Variants in NOC2L observed in about 807,000 individuals in gnomAD.
The protein encoded by NOC2L is NOC2 like nucleolar associated transcriptional repressor.
NOC2L carries 101 observed loss-of-function variants against 94.2 expected under a neutral mutation model. That is an observed-to-expected ratio of 1.07 (90% CI 0.91 to 1.26). The LOEUF (loss-of-function observed/expected upper bound fraction) is 1.26. Among genes scored for constraint, NOC2L ranks in the 50% most tolerant of loss-of-function variants. The probability of loss-of-function intolerance (pLI) is 0.00; values close to 1 mark genes in which losing one functional copy is unlikely to be tolerated. For synonymous variants in NOC2L, 531 were observed against 413.4 expected, an observed-to-expected ratio of 1.28 and a Z score of -3.45; for missense variants, 1,076 against 980.1, an observed-to-expected ratio of 1.10 and a Z score of -1.31.
chr1:945,526 G>T lies in NOC2L; in HGVS notation c.2045C>A (p.Ser682Ter). 6.2e-7 allele frequency: 1 copy of T among 1,613,778 alleles called. No individual in the cohort carries two copies. Among genetic ancestry groups the T allele is most frequent in the Non-Finnish European group, 8.5e-7 (1 of 1,179,816 alleles). Residue 682 changes from serine to a stop codon, truncating the protein, a stop_gained, in exon 17 of 19, where the codon TCG (serine) becomes TAG (stop). Coordinates refer to ENST00000327044, the MANE Select transcript of NOC2L (RefSeq NM_015658.4). LOFTEE classifies it high-confidence loss of function. ...SSEEDDTEGF[S>*]ERGILRPLST... The stretch of plus-strand genomic sequence containing the variant: ...CACCACGCAGGCCCCACCTCTCTCC[G>T]AGAATCCCTCGGTGTCGTCCTCTTC...
intron 2 of NOC2L, 111 bp downstream of exon 2, chr1:958,806 GGACTGGGGGGCA>G: frequency 3.1e-6 from 3 of 953,224 alleles, no homozygotes; most frequent in Non-Finnish European, 5.0e-6. Flanking sequence ...TAAGCTGAAA[GGACTGGGGGGCA>G]GAGGTCGGCG....
chr1:953,641 G>A, intron 8 of NOC2L, 141 bp downstream of exon 8: 1 of 665,286 alleles, frequency 1.5e-6, no homozygotes, highest in African/African-American at 1.8e-5. Context: ...GGGGCCAGGT[G>A]CTTCTGTGGC....
chr1:951,074 G>A, intron 12 of NOC2L, 53 bp downstream of exon 12: 6 of 1,368,998 alleles, frequency 4.4e-6, no homozygotes, highest in Non-Finnish European at 6.1e-6. Flanking sequence ...AGCAGCAGAT[G>A]CTCCCTACAG....
chr1:952,323 CG>C (rs1320670853), intron 10 of NOC2L, 88 bp downstream of exon 10: 17 of 1,508,500 alleles, frequency 1.1e-5, no homozygotes, highest in Non-Finnish European at 1.2e-5. Context: ...ACAGGGGCTT[CG>C]GGGAGGCCCC....
chr1:951,240 T>G lies in NOC2L; in HGVS notation c.1332-2A>C, dbSNP rs201016776. On this transcript the variant is annotated splice_acceptor_variant, in intron 11 of 18. Transcript: ENST00000327044. LOFTEE classifies it high-confidence loss of function. ...TAGAAGCGGGCAGTGGGGATGAGCC[T>G]GGGGGTGGGAAGGCCGAGTGAGCAG... 6.4e-7 allele frequency: 1 copy of G among 1,574,306 alleles called. No homozygotes were observed. Among genetic ancestry groups the G allele is most frequent in the African/African-American group, 1.3e-5 (1 of 74,210 alleles).
rs113955374 is a variant in NOC2L, at chr1:951,905, C to T, written c.1331+95G>A. On this transcript the variant is annotated intron_variant, in intron 11 of 18. Coordinates refer to ENST00000327044, the MANE Select transcript of NOC2L (RefSeq NM_015658.4). ...GACGGCCAGGACACAGACTCAGGCC[C>T]CAAGGCCCTGAACGCCAGAGGCACC... is the stretch of plus-strand genomic sequence containing the variant. 2.0e-4 allele frequency: 285 copies of T among 1,415,032 alleles called. 1 individual carries two copies. The African/African-American group carries it at 3.7e-3, about 18-fold the overall frequency. The allele number at this position is 1,415,032 out of a possible 1,614,324, so 87.7% of individuals were successfully genotyped here.
chr1:948,362 C>G (rs565704187), intron 13 of NOC2L, 128 bp downstream of exon 13: 1 of 1,052,744 alleles, frequency 9.5e-7, no homozygotes, highest in East Asian at 2.6e-5. Context: ...GCTCCTGGGC[C>G]CCAGCCCTGG....
intron 11 of NOC2L, 130 bp downstream of exon 11, chr1:951,870 C>G: frequency 9.4e-7 from 1 of 1,060,866 alleles, no homozygotes; most frequent in Non-Finnish European, 1.4e-6. Flanking sequence ...GACCCCAGCC[C>G]TTCCTCAGGG....
chr1:944,562 ATAAT>A lies in NOC2L; in HGVS notation c.*128_*131del, dbSNP rs2100371707. Reference sequence around the variant, plus strand: ...TTTGGTCTTTCATGCTGAAAAATAAATAATAAAGCCTGTCCCGTGTCTACTGCCT... The same window carrying A: ...TTTGGTCTTTCATGCTGAAAAATAAAAAAGCCTGTCCCGTGTCTACTGCCT... On this transcript the variant is annotated 3_prime_UTR_variant, in exon 19 of 19. Transcript: ENST00000327044. 3 of 635,928 alleles carry A rather than the reference ATAAT, an allele frequency of 4.7e-6. No individual in the cohort carries two copies. The highest frequency in any genetic ancestry group is 3.9e-5 in the South Asian group (2 of 51,352). The allele number at this position is 635,928 out of a possible 1,614,324, so 39.4% of individuals were successfully genotyped here. A position where few individuals can be genotyped will look rare whatever the true frequency, so the allele number is the denominator to read the frequency against.
chr1:945,011 C>T, intron 18 of NOC2L, 46 bp downstream of exon 18: 2 of 1,613,352 alleles, frequency 1.2e-6, no homozygotes, highest in Non-Finnish European at 1.7e-6. Flanking sequence ...GCCCTCCCGC[C>T]AGATGGGCTC....
rs376096805 is a variant in NOC2L at position 945,543 on chromosome 1, G to A, written c.2028C>T (p.Asp676=). ...DLFDLNSSEE[D]DTEGFSERGI... ...CTCTCTCCGAGAATCCCTCGGTGTC[G>A]TCCTCTTCAGAGCTGTTCAGGTCAA... is the stretch of plus-strand genomic sequence containing the variant. The change falls in exon 17 of 19, where the codon GAC becomes GAT. Residue 676 remains aspartate (D), a synonymous_variant. Transcript: ENST00000327044. 1.9e-4 allele frequency: 299 copies of A among 1,613,916 alleles called. No individual in the cohort carries two copies. In the Middle Eastern group the frequency reaches 3.0e-3, roughly 16 times the overall value.
chr1:945,681 G>A, intron 16 of NOC2L, 28 bp from the exon 17 acceptor site: 1 of 1,614,082 alleles, frequency 6.2e-7, no homozygotes, highest in East Asian at 2.2e-5. Flanking sequence ...CAGGGGCTCA[G>A]GTGAGAGAGG....
At chr1:945,025 G>T in intron 18 of NOC2L, 32 bp downstream of exon 18, 1 of 1,613,808 alleles carries the variant, frequency 6.2e-7, no homozygotes, top group Non-Finnish European at 8.5e-7. Flanking sequence ...TGGGCTCACA[G>T]GGCCACACCC....
chr1:954,238 G>C, intron 6 of NOC2L, 156 bp from the exon 7 acceptor site: 1 of 641,212 alleles, frequency 1.6e-6, no homozygotes, highest in Non-Finnish European at 2.7e-6. Context: ...CCTTACAGCT[G>C]GACAGACACA....
chr1:952,478 C>T lies in NOC2L; in HGVS notation c.1125G>A (p.Gln375=), dbSNP rs751999586. The change falls in exon 10 of 19, where the codon CAG becomes CAA. Residue 375 remains glutamine, a synonymous_variant. Transcript: ENST00000327044. ...LLALEPGVAY[Q]HAFLYIRQLA... Reference sequence around the variant, plus strand: ...GCTGGCGGATGTAGAGGAAGGCGTGCTGGTAGGCCACACCCGGCTCCAGGG... The same window carrying T: ...GCTGGCGGATGTAGAGGAAGGCGTGTTGGTAGGCCACACCCGGCTCCAGGG... 9.3e-6 allele frequency: 15 copies of T among 1,613,782 alleles called. No individual in the cohort carries two copies. The highest frequency in any genetic ancestry group is 1.2e-5 in the Non-Finnish European group (14 of 1,179,982).
chr1:948,651 C>A, intron 12 of NOC2L, 48 bp from the exon 13 acceptor site: 1 of 648,400 alleles, frequency 1.5e-6, no homozygotes, highest in South Asian at 2.2e-5. Context: ...GCCTGGTCAC[C>A]CTGGCTTCAC....
intron 6 of NOC2L, 89 bp downstream of exon 6, chr1:955,834 T>A: frequency 1.8e-6 from 2 of 1,124,334 alleles, no homozygotes; most frequent in Non-Finnish European, 2.6e-6. Context: ...TTGCCATGTC[T>A]CTGTCCTAGC....
chr1:958,730 C>G, intron 2 of NOC2L, 199 bp downstream of exon 2: 1 of 713,078 alleles, frequency 1.4e-6, no homozygotes, highest in Non-Finnish European at 2.5e-6. Context: ...CCAACATACG[C>G]TCCCTGCCTA....
rs977384679 is a variant in NOC2L, at chr1:944,468, ACTTCAGCAGCCCACAGCTGTGGGG to A, written c.*202_*225del. The A allele has an allele frequency of 2.7e-5, 20 of 747,842 alleles. No homozygotes were observed. The highest frequency in any genetic ancestry group is 1.3e-4 in the African/African-American group (7 of 54,816). 46.3% of individuals were successfully genotyped at this position (747,842 alleles called of 1,614,324 possible). ...CAGGGTCAGCTCCCCCGCGGAGCTG[ACTTCAGCAGCCCACAGCTGTGGGG>A]CTTCAGCAGCCACACCAGCCCAGCC... On this transcript the variant is annotated 3_prime_UTR_variant, in exon 19 of 19. Transcript: ENST00000327044.
Sources: allele counts gnomAD v4.1 joint callset, GRCh38; gene constraint gnomAD v4.1.1; transcripts MANE v1.5; gene names NCBI Gene and HGNC (gene_info 2026-07-23, HGNC 2026-07-21).